ZNF407: variants seen among roughly 807,000 people sequenced by gnomAD.
The protein encoded by ZNF407 is zinc finger protein 407.
Under a neutral mutation model 131.2 loss-of-function variants are expected in ZNF407, and 17 were observed. The ratio of observed to expected loss-of-function variants is 0.13; its 90% confidence interval spans 0.09 to 0.19. The LOEUF is 0.19. ZNF407 is among the 10% of genes least tolerant of loss of function. The probability of loss-of-function intolerance (pLI) is 1.00; values close to 1 mark genes in which losing one functional copy is unlikely to be tolerated. For missense variants in ZNF407, 2,681 were observed against 2,830.6 expected, an observed-to-expected ratio of 0.95 and a Z score of 1.20; for synonymous variants, 1,156 against 1,062.0, an observed-to-expected ratio of 1.09 and a Z score of -1.72.
intron 4 of ZNF407, among the ~76,000 whole-genome samples, chr18:74,867,857 T>TAA (rs1971035547): frequency 1.3e-5 from 2 of 152,242 alleles, no homozygotes; most frequent in East Asian, 3.8e-4. Flanking sequence ...ACTGTGATAA[T>TAA]AAGTTGAATT....
intron 4 of ZNF407, among the ~76,000 whole-genome samples, chr18:74,849,292 C>G (rs1365590141): frequency 6.6e-6 from 1 of 151,960 alleles, no homozygotes; most frequent in Non-Finnish European, 1.5e-5. Flanking sequence ...ATTGGGCAAG[C>G]TGGTCTCGAA....
intron 1 of ZNF407, among the ~76,000 whole-genome samples, chr18:74,608,871 C>T (rs539052620): frequency 2.0e-5 from 3 of 152,216 alleles, no homozygotes; most frequent in South Asian, 2.1e-4. Flanking sequence ...TTCTGGTGAA[C>T]GTGAACTTTG....
At position 74,632,408 on chromosome 18, in the gene ZNF407, C is replaced by T. The variant is rs1318350324; in HGVS notation, c.1389C>T (p.His463=). 3.1e-6 allele frequency: 5 copies of T among 1,613,924 alleles called. No individual in the cohort carries two copies. In the Admixed American group the frequency reaches 8.3e-5, roughly 27 times the overall value. The change falls in exon 2 of 9, where the codon CAC becomes CAT. Residue 463 remains histidine, a synonymous_variant. Transcript: ENST00000299687. ...TSETQRMYMK[H]LRTQMKTHDA... is the part of the protein sequence containing the mutation. ...AAACTCAGAGGATGTATATGAAACA[C>T]TTGAGAACACAGATGAAAACACACG...
In ZNF407 at chr18:74,632,433, G is replaced by A. The variant is rs199633454; in HGVS notation, c.1414G>A (p.Asp472Asn). Residue 472 changes from aspartate to asparagine, a missense_variant, in exon 2 of 9, where the codon GAT becomes AAT. By Grantham distance (23) the Asp-to-Asn change is conservative (BLOSUM62 1). Coordinates refer to ENST00000299687, the MANE Select transcript of ZNF407 (RefSeq NM_017757.3). ...CTTGAGAACACAGATGAAAACACACGATGCAGAATCAGTGCTGAAACACCT... is the reference window on the plus strand; with the variant it reads ...CTTGAGAACACAGATGAAAACACACAATGCAGAATCAGTGCTGAAACACCT... The part of the protein sequence containing the change: ...KHLRTQMKTH[D>N]AESVLKHLEA... The A allele has an allele frequency of 2.9e-4, 471 of 1,614,006 alleles. 4 individuals are homozygous for A. In the African/African-American group the frequency reaches 5.4e-3, roughly 19 times the overall value.
rs541634309 is a variant in ZNF407 at position 75,003,856 on chromosome 18, G to A, written c.5429-59294G>A. ...AGGTCATTGGCTCTTAAGGGAAAGG[G>A]ACCAGAGTTAGAACCTTCTACAGAC... On this transcript the variant is annotated intron_variant, in intron 8 of 8. Coordinates refer to ENST00000299687, the MANE Select transcript of ZNF407 (RefSeq NM_017757.3). Among the ~76,000 whole-genome samples the A allele has an allele frequency of 1.6e-4, 24 of 152,242 alleles. No individual in the cohort carries two copies. The East Asian group carries it at 3.9e-3, about 25-fold the overall frequency.
chr18:74,618,389 T>G (rs1983400078), intron 1 of ZNF407, among the ~76,000 whole-genome samples: 1 of 152,132 alleles, frequency 6.6e-6, no homozygotes, highest in Non-Finnish European at 1.5e-5. Flanking sequence ...CACCCATTCT[T>G]GAGTATTTAA....
intron 8 of ZNF407, among the ~76,000 whole-genome samples, chr18:75,050,234 C>T (rs1020215740): frequency 2.6e-5 from 4 of 152,030 alleles, no homozygotes; most frequent in Admixed American, 2.6e-4. Flanking sequence ...TTGAGCCCTT[C>T]CTGTGTGTCA....
intron 4 of ZNF407, among the ~76,000 whole-genome samples, chr18:74,784,568 C>T (rs1969668646): frequency 6.6e-6 from 1 of 152,214 alleles, no homozygotes; most frequent in Non-Finnish European, 1.5e-5. Flanking sequence ...TTTGTTCCTA[C>T]ATCTGCATTA....
intron 7 of ZNF407, among the ~76,000 whole-genome samples, chr18:74,912,289 G>A (rs1971684740): frequency 6.6e-6 from 1 of 151,972 alleles, no homozygotes; most frequent in Non-Finnish European, 1.5e-5. Flanking sequence ...GTTAACTCTA[G>A]ATTTTTGCCA....
intron 8 of ZNF407, among the ~76,000 whole-genome samples, chr18:74,926,914 G>A (rs1971921400): frequency 6.6e-6 from 1 of 152,260 alleles, no homozygotes; most frequent in Middle Eastern, 3.4e-3. Flanking sequence ...CTAACACCGT[G>A]GAGCAGTGTC....
intron 1 of ZNF407, among the ~76,000 whole-genome samples, chr18:74,618,743 A>C (rs917164514): frequency 6.6e-6 from 1 of 152,156 alleles, no homozygotes; most frequent in Non-Finnish European, 1.5e-5. Context: ...GATTACCTAC[A>C]ATTTCACCAT....
chr18:74,930,344 T>C (rs1258897798), intron 8 of ZNF407, among the ~76,000 whole-genome samples: 1 of 152,216 alleles, frequency 6.6e-6, no homozygotes, highest in Non-Finnish European at 1.5e-5. Context: ...GCCTGGCCCA[T>C]GGAGTGAGGT....
At chr18:74,883,072 T>A (rs943899312) in intron 6 of ZNF407, among the ~76,000 whole-genome samples, 1 of 152,220 alleles carries the variant, frequency 6.6e-6, no homozygotes, top group African/African-American at 2.4e-5. Context: ...AAGCCTGCAC[T>A]GAGCTGGCAC....
At chr18:74,961,186 C>T (rs1972340185) in intron 8 of ZNF407, among the ~76,000 whole-genome samples, 2 of 152,178 alleles carry the variant, frequency 1.3e-5, no homozygotes, top group African/African-American at 4.8e-5. Flanking sequence ...AAATGCTTTC[C>T]ATTCATTAAC....
chr18:74,976,386 C>T (rs1266022288), intron 8 of ZNF407, among the ~76,000 whole-genome samples: 1 of 152,156 alleles, frequency 6.6e-6, no homozygotes, highest in African/African-American at 2.4e-5. Context: ...CTATACGAAG[C>T]TCCTTTGTGC....
At chr18:74,936,675 T>G (rs1310728700) in intron 8 of ZNF407, among the ~76,000 whole-genome samples, 1 of 152,208 alleles carries the variant, frequency 6.6e-6, no homozygotes, top group African/African-American at 2.4e-5. Flanking sequence ...GTTTAAAACC[T>G]ATACCGAAAG....
chr18:74,906,906 A>G (rs1971603521), intron 7 of ZNF407, among the ~76,000 whole-genome samples: 1 of 152,142 alleles, frequency 6.6e-6, no homozygotes, highest in Non-Finnish European at 1.5e-5. Flanking sequence ...ATACGTATAT[A>G]TTTTATAAGT....
intron 8 of ZNF407, among the ~76,000 whole-genome samples, chr18:74,958,548 G>GC (rs201358210): frequency 0.019 from 2,937 of 151,928 alleles, 100 homozygotes; most frequent in African/African-American, 0.065. Flanking sequence ...ATGACGAGGA[G>GC]CTGGTCATAT....
Position 74,687,186 on chromosome 18 carries a change from A to G in ZNF407, c.4802+46064A>G, listed in dbSNP as rs556848740. Among the ~76,000 whole-genome samples the G allele has an allele frequency of 2.0e-5, 3 of 152,312 alleles. No homozygotes were observed. The South Asian group carries it at 6.2e-4, about 32-fold the overall frequency. Reference sequence around the variant, plus strand: ...AACATAAGGAGACTTTGTCTTTACAAAAAATTAAAAAGTTAGCCAGGCTTT... The same window carrying G: ...AACATAAGGAGACTTTGTCTTTACAGAAAATTAAAAAGTTAGCCAGGCTTT... On this transcript the variant is annotated intron_variant, in intron 3 of 8. Transcript: ENST00000299687.
Sources: gnomAD v4.1 joint callset for allele counts (sites outside exome capture counted in the v4.1 genomes callset) on GRCh38, gnomAD v4.1.1 for gene constraint, MANE v1.5 for transcripts, NCBI Gene and HGNC (gene_info 2026-07-23, HGNC 2026-07-21) for gene names.